The following DNMBP variants were observed in gnomAD, a reference collection of about 807,000 sequenced individuals.
DNMBP encodes the protein dynamin binding protein.
A neutral mutation model predicts 150.0 loss-of-function variants in DNMBP; 87 were observed. The ratio of observed to expected loss-of-function variants is 0.58; its 90% CI spans 0.49 to 0.69. The LOEUF (loss-of-function observed/expected upper bound fraction) is 0.69, where lower values mean the gene tolerates loss of function less well. DNMBP is among the 30% of genes least tolerant of loss of function. The pLI is 0.00. For synonymous variants in DNMBP, 711 were observed against 750.4 expected (o/e 0.95, Z 0.86); for missense variants, 1,774 against 1,949.0 (o/e 0.91, Z 1.69).
chr10:99,960,555 C>A (rs1410899461), intron 3 of DNMBP, among the ~76,000 whole-genome samples: 2 of 152,196 alleles, frequency 1.3e-5, no homozygotes, highest in African/African-American at 2.4e-5. Context: ...CCTGTAATCC[C>A]AGCACTTCGG....
intron 4 of DNMBP, among the ~76,000 whole-genome samples, chr10:99,944,506 G>C (rs537397372): frequency 4.2e-4 from 64 of 152,316 alleles, no homozygotes; most frequent in African/African-American, 1.5e-3. Context: ...CAGACTTGAA[G>C]GTAGTGTGCT....
chr10:99,914,113 C>A, intron 4 of DNMBP: 1 of 1,361,300 alleles, frequency 7.3e-7, no homozygotes, highest in South Asian at 1.9e-5. Flanking sequence ...ATGAATCGCG[C>A]AAGTCACCCG....
At position 99,929,633 on chromosome 10, in the gene DNMBP, G is replaced by A. The variant is rs191573123; in HGVS notation, c.2261-20487C>T. 1.5e-3 allele frequency: 1,026 copies of A among 687,994 alleles called. 7 individuals carry two copies. The highest frequency in any genetic ancestry group is 0.015 in the African/African-American group (835 of 56,322). 42.6% of individuals were successfully genotyped at this position (687,994 alleles called of 1,614,324 possible). On this transcript the variant is annotated intron_variant, in intron 4 of 16. Transcript: ENST00000324109. Reference sequence around the variant, plus strand: ...CTTGGGTTTTCTTGCTGTTTTGCACGAACTCTGAGCGCCTCAGGGTGCTGG... The same window carrying A: ...CTTGGGTTTTCTTGCTGTTTTGCACAAACTCTGAGCGCCTCAGGGTGCTGG...
chr10:99,955,781 C>T lies in DNMBP; in HGVS notation c.1693G>A (p.Gly565Arg), dbSNP rs1395293451. 3.1e-6 allele frequency: 5 copies of T among 1,614,142 alleles called. No individual in the cohort carries two copies. The highest frequency in any genetic ancestry group is 2.2e-5 in the East Asian group (1 of 44,900). ...QLIEFEKSLA[G>R]PGTEPDKILR... ...ATTTTATCTGGCTCTGTGCCGGGCC[C>T]TGCCAAGCTCTTCTCAAACTCGATC... Residue 565 changes from glycine to arginine, a missense_variant, in exon 4 of 17, where the codon GGG becomes AGG. This residue lies in a region of DNMBP where 1,430 missense variants were observed against 1,492.5 expected (regional missense o/e 0.96). Transcript: ENST00000324109.
At chr10:99,894,686 G>C (rs1271862604) in intron 11 of DNMBP, among the ~76,000 whole-genome samples, 1 of 152,186 alleles carries the variant, frequency 6.6e-6, no homozygotes, top group Non-Finnish European at 1.5e-5. Context: ...AGAAAAATAA[G>C]GTGTGTGTGG....
intron 4 of DNMBP, among the ~76,000 whole-genome samples, chr10:99,933,635 C>A (rs2040186126): frequency 1.3e-5 from 2 of 152,218 alleles, no homozygotes; most frequent in African/African-American, 4.8e-5. Context: ...CACCAAGAGG[C>A]CCATTGTGTC....
At chr10:99,913,979 T>C in intron 4 of DNMBP, 1 of 1,478,720 alleles carries the variant, frequency 6.8e-7, no homozygotes, top group Non-Finnish European at 9.0e-7. Flanking sequence ...TGGCTGTGTG[T>C]GGAGGTGTGG....
At chr10:99,927,575 A>C (rs1376245765) in intron 4 of DNMBP, among the ~76,000 whole-genome samples, 1 of 152,232 alleles carries the variant, frequency 6.6e-6, no homozygotes, top group East Asian at 1.9e-4. Context: ...GTAATTACAC[A>C]GTGTTCCCTT....
chr10:99,994,812 A>C (rs2040933874), intron 1 of DNMBP, among the ~76,000 whole-genome samples: 1 of 152,174 alleles, frequency 6.6e-6, no homozygotes. Flanking sequence ...TATGATTCTC[A>C]TCATCTTTTC....
chr10:99,984,785 A>G (rs2040813687), intron 1 of DNMBP, among the ~76,000 whole-genome samples: 1 of 152,328 alleles, frequency 6.6e-6, no homozygotes, highest in Non-Finnish European at 1.5e-5. Flanking sequence ...GCTAGAGTGC[A>G]GTGATGATCA....
At chr10:99,922,048 T>C (rs1265883913) in intron 4 of DNMBP, among the ~76,000 whole-genome samples, 2 of 152,116 alleles carry the variant, frequency 1.3e-5, no homozygotes, top group East Asian at 3.9e-4. Flanking sequence ...CCAGGTCTGC[T>C]GTGCAGCTAT....
chr10:99,885,614 G>T, intron 14 of DNMBP, 73 bp downstream of exon 14: 1 of 1,340,268 alleles, frequency 7.5e-7, no homozygotes, highest in Non-Finnish European at 1.0e-6. Context: ...TGGGATCTGG[G>T]CCTGGGGGCC....
chr10:99,885,771 G>A lies in DNMBP; in HGVS notation c.3714C>T (p.Phe1238=), dbSNP rs761287000. The part of the protein sequence containing the change: ...VLQQLQVFTF[F]PESLPATKKP... ...TCTTGGTAGCTGGAAGAGACTCCGG[G>A]AAGAAGGTAAAAACCTGGAGTTGCT... The change falls in exon 14 of 17, where the codon TTC becomes TTT. Residue 1238 remains phenylalanine (F), a synonymous_variant. Transcript: ENST00000324109. 11 of 1,609,892 alleles carry A rather than the reference G, an allele frequency of 6.8e-6. No homozygotes were observed. The highest frequency in any genetic ancestry group is 9.3e-6 in the Non-Finnish European group (11 of 1,178,000).
intron 6 of DNMBP, 87 bp from the exon 7 acceptor site, chr10:99,900,153 C>T: frequency 7.6e-7 from 1 of 1,309,458 alleles, no homozygotes; most frequent in Non-Finnish European, 1.1e-6. Flanking sequence ...AACTTTAGTA[C>T]CAGCTAAATC....
intron 4 of DNMBP, among the ~76,000 whole-genome samples, chr10:99,915,210 T>C (rs1326835257): frequency 1.3e-3 from 151 of 117,350 alleles, no homozygotes; most frequent in Admixed American, 3.4e-3. Flanking sequence ...TATACATATA[T>C]ACATACACAC....
At chr10:99,901,713 CA>C (rs1430234532) in intron 6 of DNMBP, among the ~76,000 whole-genome samples, 2 of 151,894 alleles carry the variant, frequency 1.3e-5, no homozygotes, top group East Asian at 3.9e-4. Flanking sequence ...CCATGTTCCA[CA>C]AAAAAGAGCT....
rs374295193 is a variant in DNMBP at position 99,925,606 on chromosome 10, G to A, written c.2261-16460C>T. On this transcript the variant is annotated intron_variant, in intron 4 of 16. Transcript: ENST00000324109. ...AATTTTTGTATTTTTGTACACAGGG[G>A]GTTTCACCATGTTGGCAAGGCTGGT... Among the ~76,000 whole-genome samples, 77 of 152,046 alleles carry A rather than the reference G, an allele frequency of 5.1e-4. 1 individual carries two copies. The highest frequency in any genetic ancestry group is 1.9e-3 in the African/African-American group (77 of 41,486).
rs1166767576 is a variant in DNMBP, at chr10:99,886,476, C to T, written c.3442G>A (p.Glu1148Lys). The T allele has an allele frequency of 1.2e-6, 2 of 1,614,050 alleles. No homozygotes were observed. The highest frequency in any genetic ancestry group is 3.3e-5 in the Admixed American group (2 of 59,986). The change falls in exon 13 of 17, where the codon GAG becomes AAG. Residue 1148 changes from glutamate (E) to lysine (K), a missense_variant. By Grantham distance (56) the Glu-to-Lys change is moderately conservative. This residue lies in a region of DNMBP where 1,430 missense variants were observed against 1,492.5 expected (regional missense o/e 0.96). Transcript: ENST00000324109. ...AEKLKDKKTLEELQSARNNYE... is the reference protein window; with the variant it reads ...AEKLKDKKTLKELQSARNNYE... ...TTGTTCCGGGCCGACTGCAGCTCCT[C>T]CAGGGTCTTCTTGTCCTTTAGCTTT... is the stretch of plus-strand genomic sequence containing the variant.
intron 6 of DNMBP, among the ~76,000 whole-genome samples, chr10:99,905,468 G>T (rs994770936): frequency 2.6e-4 from 40 of 152,286 alleles, no homozygotes; most frequent in African/African-American, 8.2e-4. Context: ...ACTGGCTGCA[G>T]AGTGGGTCAC....
Sources: allele counts gnomAD v4.1 joint callset (sites outside exome capture counted in the v4.1 genomes callset), GRCh38; gene constraint gnomAD v4.1.1; regional missense constraint gnomAD v4.1.1; transcripts MANE v1.5; gene names NCBI Gene and HGNC (gene_info 2026-07-23, HGNC 2026-07-21).